Variants in PRIMA1 observed in about 807,000 individuals in gnomAD.
PRIMA1 encodes the protein proline rich membrane anchor 1, also known as proline-rich membrane anchor 1.
Under a neutral mutation model 17.5 loss-of-function variants are expected in PRIMA1, and 7 were observed. The observed-to-expected ratio is 0.40, with a 90% CI of 0.23 to 0.75. The LOEUF (loss-of-function observed/expected upper bound fraction) is 0.75. Ranked by LOEUF, PRIMA1 falls within the 30% of genes least tolerant of loss-of-function variation. The pLI is 0.37. For synonymous variants in PRIMA1, 97 were observed against 77.9 expected, an observed-to-expected ratio of 1.25 and a Z score of -1.29; for missense variants, 200 against 201.8, an observed-to-expected ratio of 0.99 and a Z score of 0.05.
At chr14:93,780,237 G>T (rs1431863530) in intron 2 of PRIMA1, among the ~76,000 whole-genome samples, 1 of 152,212 alleles carries the variant, frequency 6.6e-6, no homozygotes, top group Non-Finnish European at 1.5e-5. Flanking sequence ...TATCCAGCCA[G>T]ATCCTTTTGT....
chr14:93,779,224 G>C lies in PRIMA1; in HGVS notation c.181C>G (p.Pro61Ala). Reference sequence around the variant, plus strand: ...GGTGGCGGGGGTGGGGGCGGCGGGGGCAGCGGGGGAGGGGGCCGGCACTGG... The same window carrying C: ...GGTGGCGGGGGTGGGGGCGGCGGGGCCAGCGGGGGAGGGGGCCGGCACTGG... ...VCQCRPPPPL[P>A]PPPPPPPPPR... Residue 61 changes from proline to alanine, a missense_variant, in exon 3 of 5, where the codon CCC becomes GCC. Coordinates refer to ENST00000393140, the MANE Select transcript of PRIMA1 (RefSeq NM_178013.4). The C allele has an allele frequency of 8.8e-7, 1 of 1,134,016 alleles. No homozygotes were observed. Among genetic ancestry groups the C allele is most frequent in the Non-Finnish European group, 1.2e-6 (1 of 835,568 alleles). The allele number at this position is 1,134,016 out of a possible 1,614,324, so 70.2% of individuals were successfully genotyped here.
intron 4 of PRIMA1, among the ~76,000 whole-genome samples, chr14:93,730,451 G>A (rs1247159571): frequency 6.6e-6 from 1 of 152,198 alleles, no homozygotes; most frequent in African/African-American, 2.4e-5. Context: ...GAAATGAGGG[G>A]AAGGACACTG....
At chr14:93,770,047 G>A (rs536196119) in intron 3 of PRIMA1, among the ~76,000 whole-genome samples, 2 of 152,250 alleles carry the variant, frequency 1.3e-5, no homozygotes, top group South Asian at 2.1e-4. Context: ...TCTTGCTTCC[G>A]CTCTCCCCCT....
chr14:93,744,173 C>T lies in PRIMA1; in HGVS notation c.230-6803G>A, dbSNP rs114477334. Among the ~76,000 whole-genome samples the T allele has an allele frequency of 3.3e-3, 504 of 152,342 alleles. 1 individual carries two copies. Among genetic ancestry groups the T allele is most frequent in the African/African-American group, 0.011 (473 of 41,584 alleles). Reference sequence around the variant, plus strand: ...TCTCTCAGCCTCATTTATGAACTGCCCCCCAAAGCACCACAAAGGACGCGG... The same window carrying T: ...TCTCTCAGCCTCATTTATGAACTGCTCCCCAAAGCACCACAAAGGACGCGG... On this transcript the variant is annotated intron_variant, in intron 3 of 4. Coordinates refer to ENST00000393140, the MANE Select transcript of PRIMA1 (RefSeq NM_178013.4).
chr14:93,721,302 G>C lies in PRIMA1; in HGVS notation c.*142C>G, dbSNP rs75767365. The C allele has an allele frequency of 3.0e-3, 1,841 of 605,480 alleles. 31 individuals are homozygous for C. The African/African-American group carries it at 0.031, about 10-fold the overall frequency. 37.5% of individuals were successfully genotyped at this position (605,480 alleles called of 1,614,324 possible). ...CCAGGGGCAAGCCTGGGAAGACAAT[G>C]GTTTCTCCTTCGGGAGGCTCAGGGC... On this transcript the variant is annotated 3_prime_UTR_variant, in exon 5 of 5. Coordinates refer to ENST00000393140, the MANE Select transcript of PRIMA1 (RefSeq NM_178013.4).
At chr14:93,786,558 A>G (rs1455257088) in intron 2 of PRIMA1, among the ~76,000 whole-genome samples, 1 of 152,074 alleles carries the variant, frequency 6.6e-6, no homozygotes. Flanking sequence ...TGTCACCCCT[A>G]CTAGTACAGA....
At chr14:93,762,772 AC>A (rs1884771612) in intron 3 of PRIMA1, among the ~76,000 whole-genome samples, 4 of 151,460 alleles carry the variant, frequency 2.6e-5, no homozygotes, top group Non-Finnish European at 5.9e-5. Context: ...GTCAAGAAAC[AC>A]CCTCTGTGGG....
At chr14:93,757,371 C>T (rs1239035684) in intron 3 of PRIMA1, among the ~76,000 whole-genome samples, 9 of 152,356 alleles carry the variant, frequency 5.9e-5, no homozygotes, top group South Asian at 4.1e-4. Context: ...GAGGGATGAG[C>T]GGCTCTATGG....
At chr14:93,763,698 C>T (rs760440456) in intron 3 of PRIMA1, among the ~76,000 whole-genome samples, 19 of 152,170 alleles carry the variant, frequency 1.2e-4, no homozygotes, top group South Asian at 4.1e-4. Context: ...ACTTCCGGTC[C>T]TCAGCTCCTT....
chr14:93,725,687 G>A, intron 4 of PRIMA1: 1 of 324,036 alleles, frequency 3.1e-6, no homozygotes, highest in Non-Finnish European at 6.1e-6. Context: ...GTTAGTCCAT[G>A]TCAAGCACTT....
At chr14:93,773,881 G>A (rs1245846154) in intron 3 of PRIMA1, among the ~76,000 whole-genome samples, 1 of 152,170 alleles carries the variant, frequency 6.6e-6, no homozygotes, top group African/African-American at 2.4e-5. Flanking sequence ...ATCACCTGAG[G>A]TCAGGAGTTT....
intron 4 of PRIMA1, among the ~76,000 whole-genome samples, chr14:93,730,580 G>T (rs1012844127): frequency 3.3e-5 from 5 of 152,110 alleles, no homozygotes; most frequent in African/African-American, 1.2e-4. Context: ...ACAAGGGATT[G>T]GCCCTTGACC....
chr14:93,755,645 T>C (rs1266974218), intron 3 of PRIMA1, among the ~76,000 whole-genome samples: 1 of 152,134 alleles, frequency 6.6e-6, no homozygotes, highest in Non-Finnish European at 1.5e-5. Flanking sequence ...TGGTACTACT[T>C]TGCTAAAATT....
chr14:93,733,092 C>T (rs546189103), intron 4 of PRIMA1, among the ~76,000 whole-genome samples: 184 of 152,330 alleles, frequency 1.2e-3, no homozygotes, highest in African/African-American at 4.2e-3. Flanking sequence ...CTCCCTATGG[C>T]TGGGAACCCC....
chr14:93,759,121 T>C (rs2076310368), intron 3 of PRIMA1, among the ~76,000 whole-genome samples: 1 of 152,136 alleles, frequency 6.6e-6, no homozygotes, highest in African/African-American at 2.4e-5. Context: ...ATGGAAAGAA[T>C]CAACTCTCCG....
At chr14:93,745,679 G>T (rs2076212697) in intron 3 of PRIMA1, among the ~76,000 whole-genome samples, 1 of 152,162 alleles carries the variant, frequency 6.6e-6, no homozygotes, top group Admixed American at 6.5e-5. Flanking sequence ...CCTTCTTCCT[G>T]ACTCCAGCCC....
chr14:93,775,021 C>G (rs574911743), intron 3 of PRIMA1, among the ~76,000 whole-genome samples: 5 of 152,216 alleles, frequency 3.3e-5, no homozygotes, highest in Admixed American at 1.3e-4. Context: ...AAGTCCTTGG[C>G]CTTTCATGAC....
At chr14:93,760,046 G>A (rs1181136674) in intron 3 of PRIMA1, among the ~76,000 whole-genome samples, 2 of 152,240 alleles carry the variant, frequency 1.3e-5, no homozygotes, top group Non-Finnish European at 2.9e-5. Context: ...AACAGCTGCC[G>A]TCCCCGAGGG....
chr14:93,779,362 C>G, intron 2 of PRIMA1, 51 bp from the exon 3 acceptor site: 1 of 1,490,388 alleles, frequency 6.7e-7, no homozygotes, highest in Non-Finnish European at 8.9e-7. Flanking sequence ...CATAAGGCAA[C>G]TAGAAGCTGA....
Sources: allele counts gnomAD v4.1 joint callset (sites outside exome capture counted in the v4.1 genomes callset), GRCh38; gene constraint gnomAD v4.1.1; transcripts MANE v1.5; gene names NCBI Gene and HGNC (gene_info 2026-07-23, HGNC 2026-07-21).